The following KNTC1 variants were observed in gnomAD, a reference collection of about 807,000 sequenced individuals.
The protein encoded by KNTC1 is kinetochore associated 1, also known as kinetochore-associated protein 1.
In KNTC1, 253 loss-of-function variants were observed where a neutral mutation model predicts 314.4. The ratio of observed to expected loss-of-function variants is 0.80; its 90% CI spans 0.73 to 0.89. The LOEUF (loss-of-function observed/expected upper bound fraction) is 0.89. Ranked by LOEUF, KNTC1 falls within the 40% of genes least tolerant of loss-of-function variation. KNTC1 has a pLI of 0.00. For synonymous variants in KNTC1, 901 were observed against 901.4 expected, an observed-to-expected ratio of 1.00 and a Z score of 0.01; for missense variants, 2,475 against 2,572.9, an observed-to-expected ratio of 0.96 and a Z score of 0.82.
chr12:122,619,199 A>G (rs968837748), intron 59 of KNTC1, among the ~76,000 whole-genome samples: 2 of 149,862 alleles, frequency 1.3e-5, no homozygotes, highest in Non-Finnish European at 3.0e-5. Context: ...CTGGGATTAC[A>G]GGCACGTGCC....
At chr12:122,597,079 A>T (rs1352234635) in intron 43 of KNTC1, among the ~76,000 whole-genome samples, 2 of 152,070 alleles carry the variant, frequency 1.3e-5, no homozygotes, top group African/African-American at 4.8e-5. Flanking sequence ...CATTACAAAG[A>T]GTTGCTGCAG....
At chr12:122,612,147 C>A (rs928838680) in intron 53 of KNTC1, among the ~76,000 whole-genome samples, 7 of 151,376 alleles carry the variant, frequency 4.6e-5, no homozygotes, top group Non-Finnish European at 7.4e-5. Context: ...CTCACTGCAA[C>A]CTCCGCCTCC....
Position 122,588,761 on chromosome 12 carries a change from T to G in KNTC1, c.3944T>G (p.Leu1315Trp). The change falls in exon 40 of 64, where the codon TTG becomes TGG. Residue 1315 changes from leucine to tryptophan, a missense_variant. Physicochemically the swap from Leu to Trp is moderately conservative, Grantham distance 61 (BLOSUM62 -2). Coordinates refer to ENST00000333479, the MANE Select transcript of KNTC1 (RefSeq NM_014708.6). ...AAATCAAGGCATGTTGTTATGGAAT[T>G]GAAAGAAAAAGCTGTTATATTTATC... ...LVKSRHVVME[L>W]KEKAVIFIRE... 2 of 1,567,726 alleles carry G rather than the reference T, an allele frequency of 1.3e-6. No individual in the cohort carries two copies. The highest frequency in any genetic ancestry group is 8.7e-7 in the Non-Finnish European group (1 of 1,156,036).
intron 20 of KNTC1, among the ~76,000 whole-genome samples, chr12:122,564,647 A>T (rs1182100632): frequency 2.0e-5 from 3 of 151,848 alleles, no homozygotes; most frequent in Admixed American, 2.0e-4. Context: ...TTTTTTAATT[A>T]TTTTTTTAGA....
chr12:122,614,955 T>C, intron 55 of KNTC1, 36 bp from the exon 56 acceptor site: 1 of 1,479,390 alleles, frequency 6.8e-7, no homozygotes, highest in Non-Finnish European at 9.4e-7. Context: ...ACTGGTGTCT[T>C]GGAATAGCAT....
intron 9 of KNTC1, 124 bp downstream of exon 9, chr12:122,546,393 T>C (rs918333553): frequency 1.2e-5 from 8 of 676,606 alleles, no homozygotes; most frequent in Admixed American, 2.8e-5. Context: ...CCAGAATAGC[T>C]TGATGGTTGT....
At chr12:122,595,478 AT>A (rs1870908764) in intron 43 of KNTC1, among the ~76,000 whole-genome samples, 1 of 152,228 alleles carries the variant, frequency 6.6e-6, no homozygotes, top group South Asian at 2.1e-4. Context: ...TTTGTAACAG[AT>A]TAATGGAATC....
intron 42 of KNTC1, 44 bp from the exon 43 acceptor site, chr12:122,594,232 G>T (rs1476720430): frequency 9.4e-7 from 1 of 1,069,338 alleles, no homozygotes; most frequent in Non-Finnish European, 1.4e-6. Context: ...ATACATTTCA[G>T]TGTAGAGGGT....
chr12:122,617,126 G>C (rs6489157), intron 57 of KNTC1, among the ~76,000 whole-genome samples: 117,488 of 152,082 alleles, frequency 0.77, 45,850 homozygotes, highest in African/African-American at 0.87. Flanking sequence ...AGTTGATAAA[G>C]ATTTGAGTTT....
chr12:122,592,138 G>T (rs1336209992), intron 42 of KNTC1, among the ~76,000 whole-genome samples: 1 of 152,218 alleles, frequency 6.6e-6, no homozygotes, highest in Non-Finnish European at 1.5e-5. Context: ...GGCCCTGCCG[G>T]CCCCGGGCAG....
At chr12:122,584,798 C>G in intron 35 of KNTC1, 95 bp from the exon 36 acceptor site, 2 of 700,346 alleles carry the variant, frequency 2.9e-6, no homozygotes, top group Non-Finnish European at 4.8e-6. Context: ...TTGTGGCCTT[C>G]CTTAGAATTT....
At chr12:122,576,207 G>T (rs1240145518) in intron 29 of KNTC1, among the ~76,000 whole-genome samples, 2 of 151,504 alleles carry the variant, frequency 1.3e-5, no homozygotes, top group Admixed American at 6.6e-5. Context: ...TTACAGGCAT[G>T]CACTACCACG....
At chr12:122,549,611 C>G (rs1318166789) in intron 12 of KNTC1, among the ~76,000 whole-genome samples, 155 bp from the exon 13 acceptor site, 1 of 152,206 alleles carries the variant, frequency 6.6e-6, no homozygotes, top group Non-Finnish European at 1.5e-5. Flanking sequence ...GGCAATCCGC[C>G]TGCCTCAGCC....
At chr12:122,552,397 C>T (rs1303685194) in intron 16 of KNTC1, among the ~76,000 whole-genome samples, 11 of 152,164 alleles carry the variant, frequency 7.2e-5, no homozygotes, top group African/African-American at 2.7e-4. Context: ...AAGTAGGGGC[C>T]TCTGTCACCC....
chr12:122,600,778 G>T, intron 44 of KNTC1, among the ~76,000 whole-genome samples: 1 of 151,724 alleles, frequency 6.6e-6, no homozygotes, highest in Non-Finnish European at 1.5e-5. Flanking sequence ...CAATTCTCCT[G>T]CCTCCGCCTC....
chr12:122,575,253 C>T (rs1163569560), intron 27 of KNTC1, among the ~76,000 whole-genome samples: 1 of 152,052 alleles, frequency 6.6e-6, no homozygotes, highest in Non-Finnish European at 1.5e-5. Context: ...GGGAACATGA[C>T]CCTGCCTCAA....
intron 63 of KNTC1, among the ~76,000 whole-genome samples, chr12:122,625,137 G>T (rs967255663): frequency 3.9e-5 from 6 of 152,138 alleles, no homozygotes; most frequent in African/African-American, 1.4e-4. Context: ...GGGCACGGTG[G>T]CTCACACCTG....
chr12:122,558,381 G>A (rs1963745775), intron 18 of KNTC1, among the ~76,000 whole-genome samples: 1 of 150,648 alleles, frequency 6.6e-6, no homozygotes, highest in South Asian at 2.1e-4. Context: ...ACCTCATGTT[G>A]TCTCTACTAA....
At position 122,594,274 on chromosome 12, in the gene KNTC1, A is replaced by G; in HGVS notation, c.4246-2A>G. On this transcript the variant is annotated splice_acceptor_variant, in intron 42 of 63. Transcript: ENST00000333479. LOFTEE classifies it high-confidence loss of function. ...GCTTTGTTTTTTTCTTTTTATTTCTAGATTTCTTTTCAACCAGTTTTCAGG... is the reference window on the plus strand; with the variant it reads ...GCTTTGTTTTTTTCTTTTTATTTCTGGATTTCTTTTCAACCAGTTTTCAGG... The G allele has an allele frequency of 3.9e-6, 6 of 1,552,688 alleles. No individual in the cohort carries two copies. The highest frequency in any genetic ancestry group is 5.3e-6 in the Non-Finnish European group (6 of 1,127,240).
Sources: allele counts gnomAD v4.1 joint callset (sites outside exome capture counted in the v4.1 genomes callset), GRCh38; gene constraint gnomAD v4.1.1; transcripts MANE v1.5; gene names NCBI Gene and HGNC (gene_info 2026-07-23, HGNC 2026-07-21).